INTS6: variants seen among roughly 807,000 people sequenced by gnomAD.
INTS6 encodes integrator complex subunit 6, also known as DEAD box protein.
A neutral mutation model predicts 104.9 loss-of-function variants in INTS6; 16 were observed. The ratio of observed to expected loss-of-function variants is 0.15; its 90% confidence interval spans 0.10 to 0.23. INTS6 has a LOEUF of 0.23. Among genes scored for constraint, INTS6 ranks in the 10% least tolerant of loss-of-function variants. The pLI is 1.00. For missense variants in INTS6, 584 were observed against 1,062.8 expected (o/e 0.55, Z 6.26); for synonymous variants, 324 against 358.7 (o/e 0.90, Z 1.09).
chr13:51,415,728 T>C (rs988497018), intron 4 of INTS6, among the ~76,000 whole-genome samples: 2 of 152,166 alleles, frequency 1.3e-5, no homozygotes, highest in Admixed American at 6.5e-5. Context: ...TAGAGTAATA[T>C]ATAATTATTA....
downstream of INTS6, among the ~76,000 whole-genome samples, chr13:51,350,159 G>GGTA (rs1455719969): frequency 6.6e-6 from 1 of 152,082 alleles, no homozygotes; most frequent in Non-Finnish European, 1.5e-5. Context: ...GCACACTGTG[G>GGTA]GTAGCAATGC....
chr13:51,414,915 T>C (rs553955407), intron 4 of INTS6, among the ~76,000 whole-genome samples: 1 of 152,000 alleles, frequency 6.6e-6, no homozygotes, highest in Admixed American at 6.6e-5. Context: ...TTTCTCTCCC[T>C]ATGATTTCAC....
chr13:51,431,874 T>C (rs1957097673), intron 3 of INTS6, among the ~76,000 whole-genome samples: 1 of 152,172 alleles, frequency 6.6e-6, no homozygotes, highest in Non-Finnish European at 1.5e-5. Context: ...AATTTATCCC[T>C]CCTTTTCCTC....
intron 4 of INTS6, among the ~76,000 whole-genome samples, chr13:51,425,090 T>G (rs1303455943): frequency 6.6e-6 from 1 of 152,020 alleles, no homozygotes; most frequent in Non-Finnish European, 1.5e-5. Flanking sequence ...TTTCAAAAAT[T>G]TCTGGCCTGT....
intron 3 of INTS6, among the ~76,000 whole-genome samples, chr13:51,433,477 A>C (rs1957134734): frequency 6.6e-6 from 1 of 152,186 alleles, no homozygotes; most frequent in South Asian, 2.1e-4. Flanking sequence ...TCTGACCAAA[A>C]GTCTGACACC....
At chr13:51,403,851 G>A (rs1956497042) in intron 4 of INTS6, among the ~76,000 whole-genome samples, 1 of 151,920 alleles carries the variant, frequency 6.6e-6, no homozygotes, top group African/African-American at 2.4e-5. Context: ...CACTCATGCG[G>A]TCTAAGCAAA....
At chr13:51,381,975 A>G in intron 10 of INTS6, 54 bp downstream of exon 10, 2 of 1,182,684 alleles carry the variant, frequency 1.7e-6, no homozygotes, top group South Asian at 2.6e-5. Flanking sequence ...TGCTGGGATT[A>G]CAGGCGTGAG....
intron 15 of INTS6, among the ~76,000 whole-genome samples, chr13:51,373,400 C>T (rs1955853819): frequency 6.6e-6 from 1 of 152,194 alleles, no homozygotes; most frequent in South Asian, 2.1e-4. Flanking sequence ...ACATTACAGT[C>T]AACCTGGTCT....
chr13:51,344,902 G>C, the INTS6 span, among the ~76,000 whole-genome samples: 1 of 152,174 alleles, frequency 6.6e-6, no homozygotes, highest in Admixed American at 6.5e-5. Context: ...TGGGAATTTA[G>C]GTTAAGGAAA....
the INTS6 span, chr13:51,341,428 C>T: frequency 7.9e-7 from 1 of 1,269,740 alleles, no homozygotes; most frequent in Non-Finnish European, 1.1e-6. Flanking sequence ...CCTGCTCACA[C>T]TCACACTCAC....
At chr13:51,428,514 A>G (rs1957025893) in intron 4 of INTS6, among the ~76,000 whole-genome samples, 1 of 151,714 alleles carries the variant, frequency 6.6e-6, no homozygotes, top group Admixed American at 6.6e-5. Flanking sequence ...TTTGGTAGAG[A>G]CAGGGTTTCA....
chr13:51,440,869 T>C (rs140508274), intron 3 of INTS6: 28 of 152,336 alleles, frequency 1.8e-4, no homozygotes, highest in African/African-American at 6.3e-4. Context: ...CCTATCTCCA[T>C]TGTTAAGCGA....
At chr13:51,443,426 T>G (rs1952834110) in intron 3 of INTS6, 1 of 152,154 alleles carries the variant, frequency 6.6e-6, no homozygotes, top group Admixed American at 6.5e-5. Flanking sequence ...TACATCTCAA[T>G]AAAAATGTTA....
intron 4 of INTS6, among the ~76,000 whole-genome samples, chr13:51,409,984 A>C (rs1259794477): frequency 6.6e-6 from 1 of 152,204 alleles, no homozygotes; most frequent in Non-Finnish European, 1.5e-5. Flanking sequence ...AGAAGTTGAA[A>C]GTAAAAAGAC....
At chr13:51,426,626 A>G (rs1416676237) in intron 4 of INTS6, among the ~76,000 whole-genome samples, 1 of 152,116 alleles carries the variant, frequency 6.6e-6, no homozygotes, top group Non-Finnish European at 1.5e-5. Flanking sequence ...GATTTCCCCC[A>G]TAACACTGTG....
intron 3 of INTS6, chr13:51,438,737 A>G (rs1555291335): frequency 6.6e-6 from 1 of 152,252 alleles, no homozygotes; most frequent in Non-Finnish European, 1.5e-5. Flanking sequence ...TCAAAATTTT[A>G]CATTCATTAT....
chr13:51,437,720 T>C (rs911165660), intron 3 of INTS6: 1 of 152,210 alleles, frequency 6.6e-6, no homozygotes, highest in African/African-American at 2.4e-5. Context: ...GGGTAAGGCA[T>C]AATGTGAGGC....
At chr13:51,347,642 A>C in the INTS6 span, among the ~76,000 whole-genome samples, 1 of 152,152 alleles carries the variant, frequency 6.6e-6, no homozygotes, top group Non-Finnish European at 1.5e-5. Context: ...TCCGCATCAG[A>C]AAATATTAAA....
At chr13:51,412,562 A>C (rs895968429) in intron 4 of INTS6, among the ~76,000 whole-genome samples, 1 of 152,146 alleles carries the variant, frequency 6.6e-6, no homozygotes, top group African/African-American at 2.4e-5. Context: ...CGCACACGTG[A>C]GCTCTCTCTC....
Sources: allele counts gnomAD v4.1 joint callset (sites outside exome capture counted in the v4.1 genomes callset), GRCh38; gene constraint gnomAD v4.1.1; transcripts MANE v1.5; gene names NCBI Gene and HGNC (gene_info 2026-07-23, HGNC 2026-07-21).